The following ENPP6 variants were observed in gnomAD, a reference collection of about 807,000 sequenced individuals.
ENPP6 encodes ectonucleotide pyrophosphatase/phosphodiesterase 6.
In ENPP6, 32 loss-of-function variants were observed where a neutral mutation model predicts 42.0. The observed-to-expected ratio is 0.76, with a 90% CI of 0.58 to 1.02. ENPP6 has a LOEUF of 1.02. Ranked by LOEUF, ENPP6 falls within the 50% of genes least tolerant of loss-of-function variation. ENPP6 has a pLI of 0.00. For missense variants in ENPP6, 552 were observed against 566.8 expected (o/e 0.97, Z 0.27); for synonymous variants, 213 against 216.0 (o/e 0.99, Z 0.12).
chr4:184,112,099 C>T (rs1314820937), intron 6 of ENPP6, among the ~76,000 whole-genome samples: 1 of 152,202 alleles, frequency 6.6e-6, no homozygotes, highest in African/African-American at 2.4e-5. Context: ...AGGGCAGGGC[C>T]TCCCCACCGT....
At chr4:184,117,299 T>A (rs1736336832) in intron 4 of ENPP6, among the ~76,000 whole-genome samples, 1 of 152,218 alleles carries the variant, frequency 6.6e-6, no homozygotes, top group Admixed American at 6.5e-5. Flanking sequence ...CTGCATCTTC[T>A]CTGGCTCTTT....
intron 6 of ENPP6, among the ~76,000 whole-genome samples, chr4:184,105,419 A>AAACACGATGTTT (rs1205110201): frequency 6.6e-6 from 1 of 152,258 alleles, no homozygotes; most frequent in Non-Finnish European, 1.5e-5. Context: ...ACACGATGTT[A>AAACACGATGTTT]GAAACACATT....
chr4:184,166,851 C>T (rs1037872297), intron 1 of ENPP6, among the ~76,000 whole-genome samples: 1 of 152,242 alleles, frequency 6.6e-6, no homozygotes, highest in African/African-American at 2.4e-5. Flanking sequence ...CCACTGTGCT[C>T]CCTCCTCTCC....
At chr4:184,104,000 C>T (rs922048931) in intron 6 of ENPP6, among the ~76,000 whole-genome samples, 1 of 148,372 alleles carries the variant, frequency 6.7e-6, no homozygotes, top group African/African-American at 2.5e-5. Context: ...GATGGGGTTT[C>T]TTTCTTCTTT....
intron 2 of ENPP6, among the ~76,000 whole-genome samples, chr4:184,145,390 A>G (rs1397191210): frequency 1.3e-5 from 2 of 152,078 alleles, no homozygotes; most frequent in Admixed American, 1.3e-4. Context: ...GAAAGCATCA[A>G]ATGACACATT....
intron 1 of ENPP6, among the ~76,000 whole-genome samples, chr4:184,179,505 C>T (rs1479156768): frequency 1.3e-5 from 2 of 152,184 alleles, no homozygotes; most frequent in South Asian, 2.1e-4. Flanking sequence ...AGCCCTGGAT[C>T]GAGTGGACCT....
In ENPP6 at chr4:184,124,131, A is replaced by G; in HGVS notation, c.533+30T>C. ...GATCAGTCCTGGAAACAAGGAAGAA[A>G]ATGGTGTGGCTAGAGTTTGGGACAC... On this transcript the variant is annotated intron_variant, in intron 3 of 7. Transcript: ENST00000296741. 6 of 1,545,374 alleles carry G rather than the reference A, an allele frequency of 3.9e-6. No individual in the cohort carries two copies. The South Asian group carries it at 6.7e-5, about 17-fold the overall frequency.
At chr4:184,169,023 C>T (rs1341835360) in intron 1 of ENPP6, among the ~76,000 whole-genome samples, 3 of 152,184 alleles carry the variant, frequency 2.0e-5, no homozygotes, top group Non-Finnish European at 4.4e-5. Context: ...TCTTTCCCTC[C>T]TTCTCTTAGT....
chr4:184,179,961 A>G (rs563807645), intron 1 of ENPP6, among the ~76,000 whole-genome samples: 1 of 152,226 alleles, frequency 6.6e-6, no homozygotes, highest in Non-Finnish European at 1.5e-5. Context: ...AACTAGAAGG[A>G]CTAGAGAACC....
intron 1 of ENPP6, among the ~76,000 whole-genome samples, chr4:184,179,847 G>C (rs1342591846): frequency 6.6e-6 from 1 of 152,182 alleles, no homozygotes; most frequent in Non-Finnish European, 1.5e-5. Context: ...CAATGTACCA[G>C]AATCTCTGGG....
At chr4:184,097,489 G>C in intron 6 of ENPP6, 121 bp from the exon 7 acceptor site, 1 of 1,422,646 alleles carries the variant, frequency 7.0e-7, no homozygotes, top group Non-Finnish European at 9.4e-7. Context: ...GACTGACCCA[G>C]ACTGACCCAA....
At chr4:184,204,751 T>C (rs182724847) in intron 1 of ENPP6, among the ~76,000 whole-genome samples, 41 of 152,306 alleles carry the variant, frequency 2.7e-4, no homozygotes, top group African/African-American at 8.9e-4. Flanking sequence ...TTTTGAGATA[T>C]GTAAGATTAC....
chr4:184,170,152 G>T (rs1194947237), intron 1 of ENPP6, among the ~76,000 whole-genome samples: 2 of 152,178 alleles, frequency 1.3e-5, no homozygotes, highest in African/African-American at 2.4e-5. Flanking sequence ...CATTCAGGCC[G>T]GGAAAGGTGG....
At chr4:184,160,931 A>T (rs1737248048) in intron 1 of ENPP6, among the ~76,000 whole-genome samples, 1 of 152,188 alleles carries the variant, frequency 6.6e-6, no homozygotes, top group African/African-American at 2.4e-5. Context: ...TTCAGTCTGG[A>T]GAGGAGGGGA....
At chr4:184,200,091 A>G (rs549514043) in intron 1 of ENPP6, among the ~76,000 whole-genome samples, 2 of 152,206 alleles carry the variant, frequency 1.3e-5, no homozygotes, top group African/African-American at 2.4e-5. Flanking sequence ...CCTGAAACAG[A>G]CCAATAGAAA....
intron 1 of ENPP6, among the ~76,000 whole-genome samples, chr4:184,163,053 A>T (rs1737292345): frequency 6.6e-6 from 1 of 152,162 alleles, no homozygotes; most frequent in East Asian, 1.9e-4. Flanking sequence ...AAACCAGAGG[A>T]GGGCAGACAG....
chr4:184,126,930 A>G (rs1006026606), intron 2 of ENPP6, among the ~76,000 whole-genome samples: 7 of 152,212 alleles, frequency 4.6e-5, no homozygotes, highest in African/African-American at 1.2e-4. Context: ...TCTTTCTCAC[A>G]CAATGTCCAA....
At chr4:184,174,774 A>G (rs1011834938) in intron 1 of ENPP6, among the ~76,000 whole-genome samples, 4 of 104,856 alleles carry the variant, frequency 3.8e-5, no homozygotes, top group African/African-American at 1.2e-4. Flanking sequence ...ACGATTTAGC[A>G]AAGTGTGTAA....
At chr4:184,132,510 A>G (rs1228257803) in intron 2 of ENPP6, among the ~76,000 whole-genome samples, 1 of 152,044 alleles carries the variant, frequency 6.6e-6, no homozygotes, top group Non-Finnish European at 1.5e-5. Context: ...ATGTCTTTTC[A>G]TAAAGAGAAG....
Sources: allele counts gnomAD v4.1 joint callset (sites outside exome capture counted in the v4.1 genomes callset), GRCh38; gene constraint gnomAD v4.1.1; transcripts MANE v1.5; gene names NCBI Gene and HGNC (gene_info 2026-07-23, HGNC 2026-07-21).